HELZ: variants seen among roughly 807,000 people sequenced by gnomAD.
HELZ encodes helicase with zinc finger.
A neutral mutation model predicts 218.2 loss-of-function variants in HELZ; 23 were observed. The ratio of observed to expected loss-of-function variants is 0.11; its 90% confidence interval spans 0.08 to 0.15. The LOEUF (loss-of-function observed/expected upper bound fraction) is 0.15. HELZ is among the 10% of genes least tolerant of loss of function. The pLI is 1.00. For synonymous variants in HELZ, 814 were observed against 829.4 expected (o/e 0.98, Z 0.32); for missense variants, 1,813 against 2,353.7 (o/e 0.77, Z 4.75).
chr17:67,164,199 C>G (rs1291888722), intron 15 of HELZ, among the ~76,000 whole-genome samples: 1 of 152,136 alleles, frequency 6.6e-6, no homozygotes, highest in African/African-American at 2.4e-5. Flanking sequence ...GAAAAACTGT[C>G]TAGAAATGTT....
At chr17:67,204,966 A>C (rs1369247098) in intron 5 of HELZ, among the ~76,000 whole-genome samples, 1 of 152,182 alleles carries the variant, frequency 6.6e-6, no homozygotes, top group Non-Finnish European at 1.5e-5. Context: ...TCTGACCCTC[A>C]GTGTGGCCAT....
intron 32 of HELZ, among the ~76,000 whole-genome samples, chr17:67,082,404 T>TCA (rs1412643375): frequency 6.6e-6 from 1 of 152,232 alleles, no homozygotes; most frequent in African/African-American, 2.4e-5. Context: ...GGAAGCTACT[T>TCA]CACACTCCAT....
chr17:67,156,782 A>G (rs750683076), intron 17 of HELZ, among the ~76,000 whole-genome samples: 1 of 152,124 alleles, frequency 6.6e-6, no homozygotes, highest in South Asian at 2.1e-4. Flanking sequence ...TCTGAGCTCC[A>G]ATTAATATTT....
chr17:67,206,180 C>A (rs1199084030), intron 5 of HELZ, among the ~76,000 whole-genome samples: 1 of 152,242 alleles, frequency 6.6e-6, no homozygotes, highest in Non-Finnish European at 1.5e-5. Context: ...CAGCTCCTTG[C>A]AGATAAATTC....
intron 7 of HELZ, among the ~76,000 whole-genome samples, chr17:67,198,008 T>G (rs1392265912): frequency 6.6e-6 from 1 of 152,180 alleles, no homozygotes; most frequent in Non-Finnish European, 1.5e-5. Context: ...TCTCTTTAAA[T>G]TCTTCAAGCA....
At position 67,160,916 on chromosome 17, in the gene HELZ, G is replaced by A; in HGVS notation, c.2056C>T (p.Leu686=). The change falls in exon 16 of 33, where the codon CTG becomes TTG. Residue 686 remains leucine (L), a synonymous_variant. Transcript: ENST00000358691. ...TCTCACCTAGTCTCCTGTTGCTGCAGAATATGTTTGACAGCCTGAGCTAGA... is the reference window on the plus strand; with the variant it reads ...TCTCACCTAGTCTCCTGTTGCTGCAAAATATGTTTGACAGCCTGAGCTAGA... The part of the protein sequence containing the change: ...FTLAQAVKHI[L]QQQETRILIC... 1 of 1,607,024 alleles carries A rather than the reference G, an allele frequency of 6.2e-7. No homozygotes were observed. The highest frequency in any genetic ancestry group is 8.5e-7 in the Non-Finnish European group (1 of 1,176,578).
At chr17:67,237,874 G>C (rs1279884139) in intron 3 of HELZ, among the ~76,000 whole-genome samples, 1 of 151,584 alleles carries the variant, frequency 6.6e-6, no homozygotes, top group Non-Finnish European at 1.5e-5. Context: ...TATAGTCCCA[G>C]CTACTTGGGA....
chr17:67,107,403 A>T lies in HELZ; in HGVS notation c.5007T>A (p.Leu1669=), dbSNP rs759956873. ...NSPFSLPSEH[L]APPPLKYLAP... ...CCAGGTATTTCAAGGGAGGAGGGGC[A>T]AGGTGTTCAGATGGCAACGAGAAAG... Residue 1669 remains leucine (L), a synonymous_variant, in exon 31 of 33, where the codon CTT becomes CTA. Transcript: ENST00000358691. 19 of 1,614,166 alleles carry T rather than the reference A, an allele frequency of 1.2e-5. No individual in the cohort carries two copies. In the South Asian group the frequency reaches 2.0e-4, roughly 17 times the overall value.
At chr17:67,125,297 T>C (rs1289661384) in intron 24 of HELZ, among the ~76,000 whole-genome samples, 5 of 12,968 alleles carry the variant, frequency 3.9e-4, no homozygotes, top group Non-Finnish European at 7.5e-4. Context: ...TATATATATA[T>C]ATATATATAT....
chr17:67,197,009 A>G (rs1028895667), intron 7 of HELZ, among the ~76,000 whole-genome samples: 1 of 152,098 alleles, frequency 6.6e-6, no homozygotes, highest in East Asian at 1.9e-4. Flanking sequence ...CAGCTTGCCA[A>G]TCTTGCCTTA....
chr17:67,225,840 A>C (rs72838470), intron 3 of HELZ, among the ~76,000 whole-genome samples: 19,996 of 152,206 alleles, frequency 0.13, 1,676 homozygotes, highest in East Asian at 0.19. Context: ...CAAAATCGAT[A>C]AATTTTATCA....
intron 17 of HELZ, among the ~76,000 whole-genome samples, chr17:67,152,135 C>T (rs556117289): frequency 8.5e-5 from 13 of 152,302 alleles, no homozygotes; most frequent in Non-Finnish European, 1.5e-4. Flanking sequence ...AATATTTTAA[C>T]ACCCGGCTCC....
At chr17:67,127,859 T>C (rs1325449867) in intron 24 of HELZ, among the ~76,000 whole-genome samples, 4 of 151,824 alleles carry the variant, frequency 2.6e-5, no homozygotes, top group Non-Finnish European at 2.9e-5. Flanking sequence ...AAAAAAAGAT[T>C]TACATTTTTT....
intron 1 of HELZ, chr17:67,244,848 G>C: frequency 1.0e-6 from 1 of 985,516 alleles, no homozygotes; most frequent in African/African-American, 1.7e-5. Flanking sequence ...CCTCCCGCAG[G>C]CTCCCGGGCC....
At chr17:67,184,450 A>G (rs1377307389) in intron 12 of HELZ, among the ~76,000 whole-genome samples, 2 of 152,226 alleles carry the variant, frequency 1.3e-5, no homozygotes, top group Middle Eastern at 3.4e-3. Context: ...TGAACACCCA[A>G]TCAAGTGGAA....
chr17:67,132,105 T>C (rs2038004102), intron 23 of HELZ, among the ~76,000 whole-genome samples: 1 of 152,186 alleles, frequency 6.6e-6, no homozygotes, highest in Admixed American at 6.5e-5. Context: ...TCAAAGGATG[T>C]AACCTTATTT....
At position 67,137,950 on chromosome 17, in the gene HELZ, T is replaced by C; in HGVS notation, c.2934A>G (p.Glu978=). The C allele has an allele frequency of 6.2e-7, 1 of 1,611,944 alleles. No individual in the cohort carries two copies. The highest frequency in any genetic ancestry group is 1.1e-5 in the South Asian group (1 of 90,656). Residue 978 remains glutamate (E), a synonymous_variant, in exon 22 of 33, where the codon GAA becomes GAG. Transcript: ENST00000358691. ...RKKRLSDVNV[E]RVLNVQGKQF... ...ACTTACCTTGAACATTTAGCACCCT[T>C]TCTACATTAACATCAGATAATCTCT...
At chr17:67,190,601 T>C (rs1225128476) in intron 9 of HELZ, among the ~76,000 whole-genome samples, 1 of 152,200 alleles carries the variant, frequency 6.6e-6, no homozygotes, top group Non-Finnish European at 1.5e-5. Context: ...TCCTAAGGCA[T>C]AGGTATTCAC....
chr17:67,215,299 T>C (rs2040567842), intron 5 of HELZ, among the ~76,000 whole-genome samples: 1 of 151,780 alleles, frequency 6.6e-6, no homozygotes. Flanking sequence ...TTTTATTCAA[T>C]GTGAGTTATG....
Sources: allele counts gnomAD v4.1 joint callset (sites outside exome capture counted in the v4.1 genomes callset), GRCh38; gene constraint gnomAD v4.1.1; transcripts MANE v1.5; gene names NCBI Gene and HGNC (gene_info 2026-07-23, HGNC 2026-07-21).